Variants in GBP2 observed in about 807,000 individuals in gnomAD.
The protein encoded by GBP2 is guanylate-binding protein 2.
In GBP2, 54 loss-of-function variants were observed where a neutral mutation model predicts 60.8. The observed-to-expected ratio is 0.89, with a 90% CI of 0.71 to 1.11. The LOEUF (loss-of-function observed/expected upper bound fraction) is 1.11. Among genes scored for constraint, GBP2 ranks in the 50% most tolerant of loss-of-function variants. The pLI, the probability that GBP2 is intolerant of heterozygous loss-of-function variation, is 0.00. For synonymous variants in GBP2, 243 were observed against 256.5 expected (o/e 0.95, Z 0.50); for missense variants, 665 against 703.3 (o/e 0.95, Z 0.62).
intron 3 of GBP2, 35 bp downstream of exon 3, chr1:89,121,108 C>T (rs562452553): frequency 6.3e-7 from 1 of 1,579,008 alleles, no homozygotes; most frequent in South Asian, 1.1e-5. Context: ...TTTAATCTAC[C>T]TAAGTGAAAT....
At chr1:89,118,958 C>CTT (rs1681338824) in intron 4 of GBP2, 1 of 152,076 alleles carries the variant, frequency 6.6e-6, no homozygotes, top group African/African-American at 2.4e-5. Flanking sequence ...GCACCAGAAG[C>CTT]TGGATACAAA....
At chr1:89,110,000 A>G in intron 9 of GBP2, 130 bp from the exon 10 acceptor site, 1 of 974,046 alleles carries the variant, frequency 1.0e-6, no homozygotes, top group Non-Finnish European at 1.5e-6. Context: ...GCCTTGGGTA[A>G]CCAGAAAACC....
At chr1:89,109,162 T>C (rs1681115012) in intron 10 of GBP2, among the ~76,000 whole-genome samples, 1 of 152,150 alleles carries the variant, frequency 6.6e-6, no homozygotes, top group Admixed American at 6.5e-5. Flanking sequence ...CCCAAAGTGC[T>C]AGGATTACAG....
At chr1:89,119,325 C>T (rs1367843853) in intron 4 of GBP2, 2 of 152,076 alleles carry the variant, frequency 1.3e-5, no homozygotes, top group African/African-American at 4.8e-5. Flanking sequence ...GAGAACTGTG[C>T]ATTACATATA....
At chr1:89,120,348 G>GTC in intron 3 of GBP2, 60 bp from the exon 4 acceptor site, 1 of 1,338,364 alleles carries the variant, frequency 7.5e-7, no homozygotes, top group Non-Finnish European at 1.1e-6. Context: ...AATCAATTCA[G>GTC]ATAGCTGAAG....
intron 6 of GBP2, 124 bp from the exon 7 acceptor site, chr1:89,114,420 G>A (rs903428371): frequency 1.7e-6 from 2 of 1,178,928 alleles, no homozygotes; most frequent in African/African-American, 1.6e-5. Context: ...AATAGTAATG[G>A]AATAATTTGT....
At chr1:89,112,975 C>A in intron 7 of GBP2, 1 of 392,648 alleles carries the variant, frequency 2.5e-6, no homozygotes, top group Non-Finnish European at 4.7e-6. Context: ...CTTTCCAAGT[C>A]TCTCATTTCA....
At chr1:89,120,410 TC>T in intron 3 of GBP2, 122 bp from the exon 4 acceptor site, 1 of 763,892 alleles carries the variant, frequency 1.3e-6, no homozygotes. Flanking sequence ...CTTAGGTAAC[TC>T]ACTTCCTTAT....
chr1:89,109,620 A>C lies in GBP2; in HGVS notation c.1659+57T>G, dbSNP rs754819059. 63 of 1,517,840 alleles carry C rather than the reference A, an allele frequency of 4.2e-5. 1 individual carries two copies. Among genetic ancestry groups the C allele is most frequent in the Non-Finnish European group, 5.7e-5 (63 of 1,104,730 alleles). 94.0% of individuals were successfully genotyped at this position (1,517,840 alleles called of 1,614,324 possible). ...GGAGGCATTAGGTTCTCAACCTTAT[A>C]CTTCATTTTCGATATGGGGCACTGG... On this transcript the variant is annotated intron_variant, in intron 10 of 10. Coordinates refer to ENST00000370466, the MANE Select transcript of GBP2 (RefSeq NM_004120.5).
intron 1 of GBP2, among the ~76,000 whole-genome samples, chr1:89,125,503 T>TC (rs1681500371): frequency 6.6e-6 from 1 of 152,208 alleles, no homozygotes; most frequent in Non-Finnish European, 1.5e-5. Flanking sequence ...AATAACGTGT[T>TC]CCCTCTCTTT....
At chr1:89,119,638 T>C (rs971937456) in intron 4 of GBP2, 1 of 152,478 alleles carries the variant, frequency 6.6e-6, no homozygotes, top group Non-Finnish European at 1.5e-5. Context: ...TCTGAGGGCA[T>C]ATATATTAAA....
At chr1:89,119,903 T>C (rs1681360368) in intron 4 of GBP2, 2 of 367,558 alleles carry the variant, frequency 5.4e-6, no homozygotes, top group Admixed American at 8.3e-5. Context: ...ACATGAGTTC[T>C]AGAGGACATT....
rs918809132 is a variant in GBP2 at position 89,111,222 on chromosome 1, A to G, written c.1363-956T>C. Among the ~76,000 whole-genome samples the G allele has an allele frequency of 5.3e-5, 8 of 152,324 alleles. 1 individual carries two copies. Among genetic ancestry groups the G allele is most frequent in the African/African-American group, 1.9e-4 (8 of 41,572 alleles). On this transcript the variant is annotated intron_variant, in intron 8 of 10. Coordinates refer to ENST00000370466, the MANE Select transcript of GBP2 (RefSeq NM_004120.5). Reference sequence around the variant, plus strand: ...ATACTGAATGGGAAGAACAACAAAAATACTTTCCTCTGACATCTGGAATAC... The same window carrying G: ...ATACTGAATGGGAAGAACAACAAAAGTACTTTCCTCTGACATCTGGAATAC...
At chr1:89,114,506 T>G (rs538837033) in intron 6 of GBP2, among the ~76,000 whole-genome samples, 92 of 152,330 alleles carry the variant, frequency 6.0e-4, no homozygotes, top group Non-Finnish European at 1.0e-3. Flanking sequence ...TTGAAATGAA[T>G]AGGTTAGGAT....
rs1681058713 is a variant in GBP2, at chr1:89,106,658, A to G, written c.*1517T>C. 6.6e-6 allele frequency: 1 copy of G among 152,250 alleles called. No individual in the cohort carries two copies. The highest frequency in any genetic ancestry group is 1.5e-5 in the Non-Finnish European group (1 of 68,046). 9.4% of individuals were successfully genotyped at this position (152,250 alleles called of 1,614,324 possible). On this transcript the variant is annotated 3_prime_UTR_variant, in exon 11 of 11. Coordinates refer to ENST00000370466, the MANE Select transcript of GBP2 (RefSeq NM_004120.5). Reference sequence around the variant, plus strand: ...GCATGGAAAAACTGGTTGACTAAACATACAGGAAAATTTCCCACGTTATTA... The same window carrying G: ...GCATGGAAAAACTGGTTGACTAAACGTACAGGAAAATTTCCCACGTTATTA...
intron 10 of GBP2, among the ~76,000 whole-genome samples, chr1:89,108,590 G>T (rs534650333): frequency 6.6e-6 from 1 of 152,196 alleles, no homozygotes; most frequent in South Asian, 2.1e-4. Flanking sequence ...TGTTGTTGTT[G>T]TTCATTTCTG....
At chr1:89,121,631 C>T in intron 2 of GBP2, 146 bp downstream of exon 2, 2 of 825,074 alleles carry the variant, frequency 2.4e-6, no homozygotes, top group Non-Finnish European at 3.7e-6. Context: ...CTGTAATCCT[C>T]CAAAGTCAAT....
In GBP2 at chr1:89,109,712, C is replaced by T. The variant is rs759015242; in HGVS notation, c.1624G>A (p.Ala542Thr). ...AGAGCGAGGGTCTTCTCTTGCTCTG[C>T]CATTAACTGGGCCCTGTCCCTCTCC... ...KMERDRAQLM[A>T]EQEKTLALKL... The change falls in exon 10 of 11, where the codon GCA becomes ACA. Residue 542 changes from alanine to threonine, a missense_variant. Physicochemically the swap from Ala to Thr is moderately conservative, Grantham distance 58. Coordinates refer to ENST00000370466, the MANE Select transcript of GBP2 (RefSeq NM_004120.5). The T allele has an allele frequency of 4.3e-6, 7 of 1,613,960 alleles. No individual in the cohort carries two copies. In the Admixed American group the frequency reaches 1.0e-4, roughly 23 times the overall value.
Position 89,106,313 on chromosome 1 carries a change from G to A in GBP2, c.*1862C>T, listed in dbSNP as rs975580265. On this transcript the variant is annotated 3_prime_UTR_variant, in exon 11 of 11. Coordinates refer to ENST00000370466, the MANE Select transcript of GBP2 (RefSeq NM_004120.5). Reference sequence around the variant, plus strand: ...AATACTAACTGTTTGAAAGGTAAGAGCAATAACTAAACTGAGGCATAAACA... The same window carrying A: ...AATACTAACTGTTTGAAAGGTAAGAACAATAACTAAACTGAGGCATAAACA... 5 of 152,134 alleles carry A rather than the reference G, an allele frequency of 3.3e-5. No individual in the cohort carries two copies. Among genetic ancestry groups the A allele is most frequent in the African/African-American group, 1.2e-4 (5 of 41,436 alleles). 9.4% of individuals were successfully genotyped at this position (152,134 alleles called of 1,614,324 possible). A position where few individuals can be genotyped will look rare whatever the true frequency, so the allele number is the denominator to read the frequency against.
Sources: gnomAD v4.1 joint callset for allele counts (sites outside exome capture counted in the v4.1 genomes callset) on GRCh38, gnomAD v4.1.1 for gene constraint, MANE v1.5 for transcripts, NCBI Gene and HGNC (gene_info 2026-07-23, HGNC 2026-07-21) for gene names.